The following HLA-DOB variants were observed in gnomAD, a reference collection of about 807,000 sequenced individuals.
HLA-DOB encodes the protein major histocompatibility complex, class II, DO beta, also known as HLA class II histocompatibility antigen, DO beta chain.
HLA-DOB carries 25 observed loss-of-function variants against 27.7 expected under a neutral mutation model. The observed-to-expected ratio is 0.90, with a 90% CI of 0.66 to 1.26. The LOEUF is 1.26. HLA-DOB is among the 50% of genes most tolerant of loss of function. The probability of loss-of-function intolerance (pLI) is 0.00; values close to 1 mark genes in which losing one functional copy is unlikely to be tolerated. For missense variants in HLA-DOB, 306 were observed against 324.9 expected (o/e 0.94, Z 0.45); for synonymous variants, 137 against 125.6 (o/e 1.09, Z -0.61).
intron 3 of HLA-DOB, chr6:32,814,102 G>A (rs1480130420): frequency 1.6e-6 from 1 of 608,312 alleles, no homozygotes; most frequent in Admixed American, 2.9e-5. Flanking sequence ...ACATAATGAG[G>A]TGATTAGATC....
intron 3 of HLA-DOB, 32 bp from the exon 4 acceptor site, chr6:32,813,865 A>G: frequency 4.7e-6 from 6 of 1,277,416 alleles, no homozygotes; most frequent in Non-Finnish European, 6.7e-6. Flanking sequence ...ATTAGTAAAA[A>G]TATCCCAATA....
At position 32,815,314 on chromosome 6, in the gene HLA-DOB, CT is replaced by C; in HGVS notation, c.92-2del. 1 of 1,613,766 alleles carries C rather than the reference CT, an allele frequency of 6.2e-7. No homozygotes were observed. On this transcript the variant is annotated splice_acceptor_variant, in intron 1 of 5. Coordinates refer to ENST00000438763, the MANE Select transcript of HLA-DOB (RefSeq NM_002120.4). LOFTEE classifies it high-confidence loss of function. ...GCCTTTGCCTGAATCACAAAATCTT[CT>C]GGAAAACCAAAACCAAAACCATGAA...
Position 32,813,112 on chromosome 6 carries a change from G to T in HLA-DOB, c.*104C>A. 1 of 1,047,652 alleles carries T rather than the reference G, an allele frequency of 9.5e-7. No individual in the cohort carries two copies. Among genetic ancestry groups the T allele is most frequent in the Non-Finnish European group, 1.5e-6 (1 of 665,000 alleles). 64.9% of individuals were successfully genotyped at this position (1,047,652 alleles called of 1,614,324 possible). On this transcript the variant is annotated 3_prime_UTR_variant, in exon 6 of 6. Transcript: ENST00000438763. ...GCTCCTCCAAGGATCAGGGAAGAGA[G>T]TTATTCCCAGAACATTGACCTCATG...
intron 1 of HLA-DOB, among the ~76,000 whole-genome samples, chr6:32,816,019 G>GTCT (rs1768005140): frequency 2.6e-5 from 4 of 152,032 alleles, no homozygotes; most frequent in Admixed American, 1.3e-4. Flanking sequence ...AACCAGGGGG[G>GTCT]AAATCTGAAT....
Position 32,815,072 on chromosome 6 carries a change from C to T in HLA-DOB, c.333G>A (p.Leu111=). 1.9e-6 allele frequency: 3 copies of T among 1,614,178 alleles called. No homozygotes were observed. The highest frequency in any genetic ancestry group is 1.7e-6 in the Non-Finnish European group (2 of 1,180,040). ...VDGVCRHNYR[L]GAPFTVGRKV... is the part of the protein sequence containing the mutation. ...TTCTCCCCACAGTGAAGGGTGCGCC[C>T]AGCCTGTAGTTGTGTCTACAGACCC... Residue 111 remains leucine (L), a synonymous_variant, in exon 2 of 6, where the codon CTG becomes CTA. Coordinates refer to ENST00000438763, the MANE Select transcript of HLA-DOB (RefSeq NM_002120.4).
rs543347189 is a variant in HLA-DOB, at chr6:32,815,456, A to G, written c.92-143T>C. On this transcript the variant is annotated intron_variant, in intron 1 of 5. Coordinates refer to ENST00000438763, the MANE Select transcript of HLA-DOB (RefSeq NM_002120.4). The stretch of plus-strand genomic sequence containing the variant: ...AAAGCACAGTGTCAAGTGAGAAAAG[A>G]AACAGAATGGGATTCAACAGAGAAT... The G allele has an allele frequency of 7.1e-4, 550 of 770,072 alleles. 6 individuals carry two copies. The highest frequency in any genetic ancestry group is 3.8e-3 in the Middle Eastern group (16 of 4,222). 47.7% of individuals were successfully genotyped at this position (770,072 alleles called of 1,614,324 possible). A position where few individuals can be genotyped will look rare whatever the true frequency, so the allele number is the denominator to read the frequency against.
chr6:32,815,391 C>A, intron 1 of HLA-DOB, 78 bp from the exon 2 acceptor site: 1 of 1,529,880 alleles, frequency 6.5e-7, no homozygotes. Flanking sequence ...CGTCAGACCA[C>A]ATGGATCTAA....
chr6:32,815,775 G>A (rs1028255727), intron 1 of HLA-DOB, among the ~76,000 whole-genome samples: 3 of 152,200 alleles, frequency 2.0e-5, no homozygotes, highest in Admixed American at 1.3e-4. Flanking sequence ...CAGGAAGGAC[G>A]TCCTGAAGAC....
rs1439404497 is a variant in HLA-DOB, at chr6:32,814,609, G to C, written c.362-8C>G. 3 of 1,607,296 alleles carry C rather than the reference G, an allele frequency of 1.9e-6. No homozygotes were observed. The Admixed American group carries it at 5.0e-5, about 27-fold the overall frequency. Reference sequence around the variant, plus strand: ...CTGTCACCTCTGGTTGCACTAGGAAGGGAGGAAAAATGAGACACCGTGAAA... The same window carrying C: ...CTGTCACCTCTGGTTGCACTAGGAACGGAGGAAAAATGAGACACCGTGAAA... On this transcript the variant is annotated splice_polypyrimidine_tract_variant and splice_region_variant and intron_variant, in intron 2 of 5. Transcript: ENST00000438763.
At chr6:32,815,742 T>A (rs1767993996) in intron 1 of HLA-DOB, among the ~76,000 whole-genome samples, 1 of 152,180 alleles carries the variant, frequency 6.6e-6, no homozygotes, top group African/African-American at 2.4e-5. Context: ...GAAATTCAAA[T>A]GGAGTTAATA....
intron 1 of HLA-DOB, among the ~76,000 whole-genome samples, chr6:32,816,473 G>A (rs1768024196): frequency 6.6e-6 from 1 of 152,132 alleles, no homozygotes. Flanking sequence ...ACTGAGATTT[G>A]TTTCCGTGTC....
chr6:32,814,612 A>G lies in HLA-DOB; in HGVS notation c.362-11T>C. 1 of 1,605,042 alleles carries G rather than the reference A, an allele frequency of 6.2e-7. No individual in the cohort carries two copies. The highest frequency in any genetic ancestry group is 8.5e-7 in the Non-Finnish European group (1 of 1,174,272). ...TCACCTCTGGTTGCACTAGGAAGGG[A>G]GGAAAAATGAGACACCGTGAAAGAA... On this transcript the variant is annotated splice_polypyrimidine_tract_variant and intron_variant, in intron 2 of 5. Coordinates refer to ENST00000438763, the MANE Select transcript of HLA-DOB (RefSeq NM_002120.4).
intron 4 of HLA-DOB, 97 bp from the exon 5 acceptor site, chr6:32,813,568 T>C (rs550313816): frequency 1.1e-4 from 154 of 1,384,666 alleles, no homozygotes; most frequent in Middle Eastern, 7.1e-4. Flanking sequence ...CAGCACTCTC[T>C]CTGCTTATCC....
At position 32,814,501 on chromosome 6, in the gene HLA-DOB, C is replaced by G; in HGVS notation, c.462G>C (p.Lys154Asn). 1 of 1,613,060 alleles carries G rather than the reference C, an allele frequency of 6.2e-7. No homozygotes were observed. Among genetic ancestry groups the G allele is most frequent in the Non-Finnish European group, 8.5e-7 (1 of 1,180,018 alleles). ...SVTGFYPGDI[K>N]IKWFLNGQEE... ...CCTGCCCATTCAGGAACCACTTGATCTTGATATCCCCTGGATAGAAGCCTG... is the reference window on the plus strand; with the variant it reads ...CCTGCCCATTCAGGAACCACTTGATGTTGATATCCCCTGGATAGAAGCCTG... Residue 154 changes from lysine (K) to asparagine (N), a missense_variant, in exon 3 of 6, where the codon AAG (lysine) becomes AAC (asparagine). Transcript: ENST00000438763.
Position 32,813,485 on chromosome 6 carries a change from G to A in HLA-DOB, c.755-14C>T, listed in dbSNP as rs770141135. 9 of 1,612,144 alleles carry A rather than the reference G, an allele frequency of 5.6e-6. No homozygotes were observed. The highest frequency in any genetic ancestry group is 2.2e-5 in the East Asian group (1 of 44,890). On this transcript the variant is annotated splice_polypyrimidine_tract_variant and intron_variant, in intron 4 of 5. Coordinates refer to ENST00000438763, the MANE Select transcript of HLA-DOB (RefSeq NM_002120.4). ...TCCTCACATATCCTGGAAAGAAATCGAGAAAAGAATGGATTGCCCCAATTA... is the reference window on the plus strand; with the variant it reads ...TCCTCACATATCCTGGAAAGAAATCAAGAAAAGAATGGATTGCCCCAATTA...
Position 32,812,998 on chromosome 6 carries a change from G to A in HLA-DOB, c.*218C>T. On this transcript the variant is annotated 3_prime_UTR_variant, in exon 6 of 6. Coordinates refer to ENST00000438763, the MANE Select transcript of HLA-DOB (RefSeq NM_002120.4). Reference sequence around the variant, plus strand: ...GTTTCTGGACAATGCCCTTGGCAATGGGGATTAATGATGTACACGTAGAAG... The same window carrying A: ...GTTTCTGGACAATGCCCTTGGCAATAGGGATTAATGATGTACACGTAGAAG... 1.7e-6 allele frequency: 1 copy of A among 598,088 alleles called. No homozygotes were observed. The highest frequency in any genetic ancestry group is 2.0e-5 in the South Asian group (1 of 49,284). The allele number at this position is 598,088 out of a possible 1,614,324, so 37.0% of individuals were successfully genotyped here.
rs549375506 is a variant in HLA-DOB, at chr6:32,814,381, T to A, written c.582A>T (p.Gly194=). 3.7e-6 allele frequency: 6 copies of A among 1,612,928 alleles called. No homozygotes were observed. The East Asian group carries it at 1.3e-4, about 36-fold the overall frequency. Residue 194 remains glycine (G), a synonymous_variant, in exon 3 of 6, where the codon GGA becomes GGT. Transcript: ENST00000438763. ...GATCGACAAGGCAGGTGTAGACATG[T>A]CCAAGTTCAGGAGTCATTTCTAGCA... ...VVMLEMTPEL[G]HVYTCLVDHS... is the part of the protein sequence containing the mutation.
At chr6:32,814,270 TC>T in intron 3 of HLA-DOB, 49 bp downstream of exon 3, 1 of 1,524,292 alleles carries the variant, frequency 6.6e-7, no homozygotes, top group Admixed American at 1.7e-5. Context: ...CTGTATTGAG[TC>T]AGTATAGTCC....
intron 5 of HLA-DOB, 92 bp downstream of exon 5, chr6:32,813,348 C>T: frequency 6.3e-7 from 1 of 1,584,934 alleles, no homozygotes; most frequent in Non-Finnish European, 8.7e-7. Flanking sequence ...ACAGCAGCAA[C>T]CTTACTCCTC....
Sources: gnomAD v4.1 joint callset for allele counts (sites outside exome capture counted in the v4.1 genomes callset) on GRCh38, gnomAD v4.1.1 for gene constraint, MANE v1.5 for transcripts, NCBI Gene and HGNC (gene_info 2026-07-23, HGNC 2026-07-21) for gene names.